DIP2B: variants seen among roughly 807,000 people sequenced by gnomAD.
DIP2B encodes the protein DIP2 acetate--CoA ligase B (putative).
In DIP2B, 76 loss-of-function variants were observed where a neutral mutation model predicts 198.0. The observed-to-expected ratio is 0.38, with a 90% confidence interval of 0.32 to 0.46. DIP2B has a LOEUF of 0.46. Among genes scored for constraint, DIP2B ranks in the 20% least tolerant of loss-of-function variants. The probability of loss-of-function intolerance (pLI) is 0.99; values close to 1 mark genes in which losing one functional copy is unlikely to be tolerated. For missense variants in DIP2B, 1,559 were observed against 1,978.4 expected (o/e 0.79, Z 4.02); for synonymous variants, 701 against 739.1 (o/e 0.95, Z 0.84).
intron 1 of DIP2B, among the ~76,000 whole-genome samples, chr12:50,617,772 A>G (rs1250307382): frequency 6.6e-6 from 1 of 152,146 alleles, no homozygotes. Flanking sequence ...TTGCACCACT[A>G]TACTCCAACC....
At chr12:50,734,283 C>G (rs373646980) in intron 33 of DIP2B, 87 bp downstream of exon 33, 2 of 1,367,596 alleles carry the variant, frequency 1.5e-6, no homozygotes, top group Non-Finnish European at 1.0e-6. Context: ...TCCCTCATTC[C>G]TTTTGTTCAT....
intron 30 of DIP2B, among the ~76,000 whole-genome samples, chr12:50,730,430 G>T (rs1303252064): frequency 1.4e-5 from 2 of 146,292 alleles, no homozygotes; most frequent in East Asian, 2.0e-4. Flanking sequence ...TGTCACCCAG[G>T]CTGGAGTGCA....
At position 50,685,649 on chromosome 12, in the gene DIP2B, A is replaced by G. The variant is rs116157874; in HGVS notation, c.1318-184A>G. On this transcript the variant is annotated intron_variant, in intron 10 of 37. Transcript: ENST00000301180. ...AAAATACTTGATTTGTGCTCAGGAA[A>G]TGTTTGTATTGTGGAAATTATTTGG... Among the ~76,000 whole-genome samples, 1,079 of 152,338 alleles carry G rather than the reference A, an allele frequency of 7.1e-3. 16 individuals carry two copies. The highest frequency in any genetic ancestry group is 0.025 in the African/African-American group (1,040 of 41,572).
rs758760488 is a variant in DIP2B, at chr12:50,706,538, G to T, written c.2407G>T (p.Gly803Cys). The T allele has an allele frequency of 1.2e-6, 2 of 1,613,810 alleles. No homozygotes were observed. Among genetic ancestry groups the T allele is most frequent in the Non-Finnish European group, 1.7e-6 (2 of 1,179,812 alleles). ...RSGLLGFVGP[G>C]SLVFVVGKMD... ...AAGGTAAATCATCATTACCTTTCAGGGTAGTTTGGTGTTCGTGGTTGGGAA... is the reference window on the plus strand; with the variant it reads ...AAGGTAAATCATCATTACCTTTCAGTGTAGTTTGGTGTTCGTGGTTGGGAA... The change falls in exon 21 of 38, where the codon GGT becomes TGT. Residue 803 changes from glycine to cysteine, a missense_variant and splice_region_variant. Coordinates refer to ENST00000301180, the MANE Select transcript of DIP2B (RefSeq NM_173602.3).
chr12:50,675,678 G>T (rs1256385076), intron 7 of DIP2B, among the ~76,000 whole-genome samples: 1 of 152,130 alleles, frequency 6.6e-6, no homozygotes, highest in Non-Finnish European at 1.5e-5. Flanking sequence ...TCACCATGGA[G>T]CATAGAACTG....
chr12:50,739,251 C>T (rs937443253), intron 35 of DIP2B, among the ~76,000 whole-genome samples, 158 bp from the exon 36 acceptor site: 1 of 152,300 alleles, frequency 6.6e-6, no homozygotes, highest in Admixed American at 6.5e-5. Context: ...AGATTAGGTA[C>T]ATGATGAGCA....
At chr12:50,613,123 T>G (rs115258515) in intron 1 of DIP2B, among the ~76,000 whole-genome samples, 2,027 of 152,262 alleles carry the variant, frequency 0.013, 50 homozygotes, top group African/African-American at 0.046. Context: ...CACTGAGAGG[T>G]AGGTAAGAGT....
chr12:50,719,034 A>G lies in DIP2B; in HGVS notation c.3041A>G (p.Lys1014Arg). The change falls in exon 25 of 38, where the codon AAG (lysine) becomes AGG (arginine). Residue 1014 changes from lysine to arginine, a missense_variant and splice_region_variant. Transcript: ENST00000301180. ...DHVLFMLLNA[K>R]GTTVCTASCL... ...GTACTCTTCATGCTGTTAAATGCCA[A>G]GGTATTAAAAATTCAATGGTATATC... is the stretch of plus-strand genomic sequence containing the variant. 1 of 1,614,064 alleles carries G rather than the reference A, an allele frequency of 6.2e-7. No homozygotes were observed. The highest frequency in any genetic ancestry group is 8.5e-7 in the Non-Finnish European group (1 of 1,179,982).
intron 1 of DIP2B, among the ~76,000 whole-genome samples, chr12:50,514,936 G>C (rs906125671): frequency 6.6e-6 from 1 of 151,964 alleles, no homozygotes; most frequent in Non-Finnish European, 1.5e-5. Flanking sequence ...AGGATTACAC[G>C]CGTGAGCCAC....
intron 1 of DIP2B, among the ~76,000 whole-genome samples, chr12:50,519,640 C>G (rs1958097618): frequency 6.6e-6 from 1 of 152,104 alleles, no homozygotes. Context: ...TGTGAACAGG[C>G]CTCGAGCTTC....
chr12:50,679,018 T>C (rs1592124006), intron 8 of DIP2B, 142 bp downstream of exon 8: 1 of 942,034 alleles, frequency 1.1e-6, no homozygotes. Flanking sequence ...TCCTAAGCTC[T>C]AAGTAAAGCT....
intron 1 of DIP2B, among the ~76,000 whole-genome samples, chr12:50,597,014 T>C (rs1407067994): frequency 6.6e-6 from 1 of 152,204 alleles, no homozygotes; most frequent in Non-Finnish European, 1.5e-5. Context: ...TAATTTAGTT[T>C]TTTTGTTATG....
At chr12:50,682,592 G>A (rs1031354608) in intron 9 of DIP2B, among the ~76,000 whole-genome samples, 1 of 129,004 alleles carries the variant, frequency 7.8e-6, no homozygotes, top group African/African-American at 3.0e-5. Context: ...TCGCACCACT[G>A]CATTCCAGCC....
intron 30 of DIP2B, among the ~76,000 whole-genome samples, chr12:50,730,169 G>T (rs1565884651): frequency 1.3e-5 from 2 of 152,128 alleles, no homozygotes; most frequent in Non-Finnish European, 2.9e-5. Context: ...CATATTGTCA[G>T]TGTTGCCCCA....
intron 12 of DIP2B, among the ~76,000 whole-genome samples, chr12:50,689,881 A>G (rs938115444): frequency 6.6e-6 from 1 of 152,124 alleles, no homozygotes; most frequent in African/African-American, 2.4e-5. Flanking sequence ...AAGCAAAGGA[A>G]GGAGAAAACA....
In DIP2B at chr12:50,675,427, G is replaced by A. The variant is rs1938929518; in HGVS notation, c.895G>A (p.Asp299Asn). ...RPPLKEFFVD[D>N]SEEIVEVPQP... Reference sequence around the variant, plus strand: ...TCCCTTAAAGGAATTTTTTGTGGATGACTCTGAAGAAATTGTGGAAGGTAG... The same window carrying A: ...TCCCTTAAAGGAATTTTTTGTGGATAACTCTGAAGAAATTGTGGAAGGTAG... Residue 299 changes from aspartate (D) to asparagine (N), a missense_variant, in exon 7 of 38, where the codon GAC (aspartate) becomes AAC (asparagine). Asp to Asn is a conservative substitution (Grantham distance 23, BLOSUM62 1). Coordinates refer to ENST00000301180, the MANE Select transcript of DIP2B (RefSeq NM_173602.3). 4.3e-6 allele frequency: 7 copies of A among 1,613,694 alleles called. No individual in the cohort carries two copies. The highest frequency in any genetic ancestry group is 5.9e-6 in the Non-Finnish European group (7 of 1,179,776).
chr12:50,625,245 A>G (rs1259647263), intron 1 of DIP2B, among the ~76,000 whole-genome samples: 6 of 151,494 alleles, frequency 4.0e-5, no homozygotes, highest in Non-Finnish European at 7.4e-5. Context: ...TTTTAACCCT[A>G]CTCTCTACTC....
At chr12:50,563,131 G>A (rs2139399476) in intron 1 of DIP2B, among the ~76,000 whole-genome samples, 1 of 152,240 alleles carries the variant, frequency 6.6e-6, no homozygotes, top group East Asian at 1.9e-4. Context: ...GGGAGCTGCT[G>A]GTTATCTATT....
At chr12:50,717,950 A>G (rs1448045115) in intron 23 of DIP2B, among the ~76,000 whole-genome samples, 1 of 112,188 alleles carries the variant, frequency 8.9e-6, no homozygotes, top group Non-Finnish European at 1.7e-5. Context: ...GCCATACTGG[A>G]GTGCAGTGGC....
Sources: gnomAD v4.1 joint callset for allele counts (sites outside exome capture counted in the v4.1 genomes callset) on GRCh38, gnomAD v4.1.1 for gene constraint, MANE v1.5 for transcripts, NCBI Gene and HGNC (gene_info 2026-07-23, HGNC 2026-07-21) for gene names.